FGF12: variants seen among roughly 807,000 people sequenced by gnomAD.
FGF12 encodes the protein fibroblast growth factor 12B.
A neutral mutation model predicts 23.6 loss-of-function variants in FGF12; 14 were observed. The observed-to-expected ratio is 0.59, with a 90% CI of 0.39 to 0.93. The LOEUF (loss-of-function observed/expected upper bound fraction) is 0.93, where lower values mean the gene tolerates loss of function less well. Among genes scored for constraint, FGF12 ranks in the 40% least tolerant of loss-of-function variants. The pLI is 0.00. For missense variants in FGF12, 175 were observed against 217.8 expected (o/e 0.80, Z 1.24); for synonymous variants, 62 against 77.3 (o/e 0.80, Z 1.04).
At chr3:192,187,961 C>T (rs574772386) in intron 4 of FGF12, among the ~76,000 whole-genome samples, 2 of 152,074 alleles carry the variant, frequency 1.3e-5, no homozygotes, top group African/African-American at 2.4e-5. Flanking sequence ...GAAATGAGAA[C>T]GGAAAGACAA....
At chr3:192,335,896 T>C (rs553775742) in intron 3 of FGF12, among the ~76,000 whole-genome samples, 32 of 152,304 alleles carry the variant, frequency 2.1e-4, no homozygotes, top group Admixed American at 8.5e-4. Flanking sequence ...CAAAGCTTCT[T>C]GTTTTTAGTA....
chr3:192,256,154 G>A lies in FGF12; in HGVS notation c.228+79207C>T, dbSNP rs1300633977. ...CATAATTCTTACAACTAGCTACAATGAGGCAGAGTCTTACTTCCCATGCAA... is the reference window on the plus strand; with the variant it reads ...CATAATTCTTACAACTAGCTACAATAAGGCAGAGTCTTACTTCCCATGCAA... On this transcript the variant is annotated intron_variant, in intron 4 of 5. Coordinates refer to ENST00000445105, the MANE Select transcript of FGF12 (RefSeq NM_004113.6). Among the ~76,000 whole-genome samples, 5 of 152,138 alleles carry A rather than the reference G, an allele frequency of 3.3e-5. No homozygotes were observed. In the East Asian group the frequency reaches 7.7e-4, roughly 24 times the overall value.
At chr3:192,574,772 T>A (rs1239062691) in intron 2 of FGF12, among the ~76,000 whole-genome samples, 1 of 152,186 alleles carries the variant, frequency 6.6e-6, no homozygotes, top group Non-Finnish European at 1.5e-5. Context: ...AAATGCATCT[T>A]TGGAAGTGAC....
At chr3:192,687,320 G>A (rs1717783649) in intron 2 of FGF12, among the ~76,000 whole-genome samples, 1 of 151,902 alleles carries the variant, frequency 6.6e-6, no homozygotes, top group African/African-American at 2.4e-5. Flanking sequence ...TGAACCCCAG[G>A]CAAAGGGCAG....
chr3:192,265,608 CTG>C (rs1713031012), intron 4 of FGF12, among the ~76,000 whole-genome samples: 1 of 152,078 alleles, frequency 6.6e-6, no homozygotes, highest in East Asian at 1.9e-4. Context: ...AACCTGAAAA[CTG>C]TGTAAAATTT....
Position 192,409,069 on chromosome 3 carries a change from A to T in FGF12, c.14-48531T>A. ...AGCACTGCAAAGAGAGCGGGAGGCGAGGGAGGGGGGAGGGCGCGAGGGAGG... is the reference window on the plus strand; with the variant it reads ...AGCACTGCAAAGAGAGCGGGAGGCGTGGGAGGGGGGAGGGCGCGAGGGAGG... On this transcript the variant is annotated intron_variant, in intron 2 of 5. Coordinates refer to ENST00000445105, the MANE Select transcript of FGF12 (RefSeq NM_004113.6). The surrounding 1 kb of genome is among the most constrained non-coding windows in gnomAD (Gnocchi z 4.8). 1 of 404,656 alleles carries T rather than the reference A, an allele frequency of 2.5e-6. No homozygotes were observed. The highest frequency in any genetic ancestry group is 2.9e-6 in the Non-Finnish European group (1 of 344,644). The allele number at this position is 404,656 out of a possible 1,614,324, so 25.1% of individuals were successfully genotyped here. A position where few individuals can be genotyped will look rare whatever the true frequency, so the allele number is the denominator to read the frequency against.
intron 2 of FGF12, among the ~76,000 whole-genome samples, chr3:192,667,134 G>C (rs1363907749): frequency 6.6e-6 from 1 of 152,162 alleles, no homozygotes; most frequent in Non-Finnish European, 1.5e-5. Flanking sequence ...CTAAGTGCTG[G>C]GATTCAGATA....
chr3:192,681,946 A>G (rs1343539315), intron 2 of FGF12, among the ~76,000 whole-genome samples: 1 of 152,180 alleles, frequency 6.6e-6, no homozygotes, highest in African/African-American at 2.4e-5. Context: ...TAGACATTCC[A>G]TAGTGTCAGA....
At chr3:192,320,988 A>T (rs1716502733) in intron 4 of FGF12, among the ~76,000 whole-genome samples, 1 of 152,152 alleles carries the variant, frequency 6.6e-6, no homozygotes, top group African/African-American at 2.4e-5. Flanking sequence ...TTTGAAATTT[A>T]AAAAAATACA....
intron 2 of FGF12, among the ~76,000 whole-genome samples, chr3:192,450,019 C>T (rs757126431): frequency 2.0e-5 from 3 of 152,190 alleles, no homozygotes; most frequent in Non-Finnish European, 4.4e-5. Context: ...TCTCACTTTT[C>T]AAATTACTGT....
At chr3:192,709,778 A>C (rs1238345761) in intron 2 of FGF12, among the ~76,000 whole-genome samples, 1 of 152,194 alleles carries the variant, frequency 6.6e-6, no homozygotes, top group East Asian at 1.9e-4. Context: ...AGACCGACTT[A>C]ATCACTTCCA....
intron 2 of FGF12, among the ~76,000 whole-genome samples, chr3:192,724,951 C>T (rs1463841124): frequency 3.3e-5 from 5 of 152,152 alleles, no homozygotes; most frequent in Non-Finnish European, 7.3e-5. Flanking sequence ...TAAAGAGTTT[C>T]TACTAGAAAA....
chr3:192,591,470 G>A (rs1713621044), intron 2 of FGF12, among the ~76,000 whole-genome samples: 1 of 151,804 alleles, frequency 6.6e-6, no homozygotes, highest in Non-Finnish European at 1.5e-5. Flanking sequence ...AAGTAGCTAA[G>A]TGGTGGCACT....
At chr3:192,532,849 G>A (rs1281123446) in intron 2 of FGF12, among the ~76,000 whole-genome samples, 2 of 151,924 alleles carry the variant, frequency 1.3e-5, no homozygotes, top group East Asian at 1.9e-4. Flanking sequence ...GACAATTCTT[G>A]TATTTTTAAT....
At chr3:192,444,887 G>A (rs1722305779) in intron 2 of FGF12, among the ~76,000 whole-genome samples, 1 of 152,200 alleles carries the variant, frequency 6.6e-6, no homozygotes, top group Admixed American at 6.5e-5. Context: ...TATCTGTACG[G>A]TGAATCCGTC....
At chr3:192,242,819 C>A (rs1719691479) in intron 4 of FGF12, among the ~76,000 whole-genome samples, 1 of 151,876 alleles carries the variant, frequency 6.6e-6, no homozygotes. Context: ...ATTAAGAAGA[C>A]AAAAATTAGT....
At chr3:192,407,910 G>T in intron 2 of FGF12, 1 of 1,113,582 alleles carries the variant, frequency 9.0e-7, no homozygotes, top group Non-Finnish European at 1.3e-6. Context: ...AGAGAAGAGG[G>T]GTCAGAATGT....
chr3:192,471,464 G>A (rs901836716), intron 2 of FGF12, among the ~76,000 whole-genome samples: 2 of 152,130 alleles, frequency 1.3e-5, no homozygotes, highest in Non-Finnish European at 2.9e-5. Context: ...TAAAAATAAT[G>A]TAATGAGAAG....
At chr3:192,294,705 T>TG (rs1170550021) in intron 4 of FGF12, among the ~76,000 whole-genome samples, 2 of 152,232 alleles carry the variant, frequency 1.3e-5, no homozygotes, top group Admixed American at 6.5e-5. Context: ...CAACATATTT[T>TG]GGCTTATAGG....
Sources: gnomAD v4.1 joint callset for allele counts (sites outside exome capture counted in the v4.1 genomes callset) on GRCh38, gnomAD v4.1.1 for gene constraint, Gnocchi (gnomAD v3.1) non-coding constraint, MANE v1.5 for transcripts, NCBI Gene and HGNC (gene_info 2026-07-23, HGNC 2026-07-21) for gene names.